The following ARIH2 variants were observed in gnomAD, a reference collection of about 807,000 sequenced individuals.
The protein encoded by ARIH2 is ariadne RBR E3 ubiquitin protein ligase 2, also known as E3 ubiquitin-protein ligase ARIH2.
Under a neutral mutation model 79.8 loss-of-function variants are expected in ARIH2, and 12 were observed. That is an observed-to-expected ratio of 0.15 (90% CI 0.10 to 0.24). ARIH2 has a LOEUF of 0.24. ARIH2 is among the 10% of genes least tolerant of loss of function. The pLI, the probability that ARIH2 is intolerant of heterozygous loss-of-function variation, is 1.00. For synonymous variants in ARIH2, 224 were observed against 213.9 expected, an observed-to-expected ratio of 1.05 and a Z score of -0.41; for missense variants, 301 against 618.3, an observed-to-expected ratio of 0.49 and a Z score of 5.44.
intron 11 of ARIH2, among the ~76,000 whole-genome samples, chr3:48,978,465 G>GTGTGTA (rs1251443781): frequency 5.6e-4 from 42 of 75,470 alleles, no homozygotes; most frequent in Non-Finnish European, 7.6e-4. Flanking sequence ...GTGTGTGTGT[G>GTGTGTA]TATATATATA....
chr3:48,979,228 AG>A (rs2092665433), intron 11 of ARIH2, among the ~76,000 whole-genome samples: 1 of 152,222 alleles, frequency 6.6e-6, no homozygotes, highest in African/African-American at 2.4e-5. Flanking sequence ...TAGATTAATA[AG>A]GCGCATGGCA....
At chr3:48,919,278 TC>T (rs2084393113) in intron 1 of ARIH2, 7 of 1,102,388 alleles carry the variant, frequency 6.3e-6, no homozygotes, top group Non-Finnish European at 8.1e-6. Flanking sequence ...AGGCCCTCTC[TC>T]CCTGTCTGGC....
chr3:48,959,919 G>A (rs964246249), intron 3 of ARIH2, among the ~76,000 whole-genome samples: 2 of 152,210 alleles, frequency 1.3e-5, no homozygotes, highest in Admixed American at 1.3e-4. Context: ...TTGAGCGCTA[G>A]AAGGAGGGAT....
intron 7 of ARIH2, among the ~76,000 whole-genome samples, chr3:48,969,946 AG>A (rs2092089112): frequency 1.3e-5 from 2 of 149,720 alleles, no homozygotes. Context: ...GCCGGAGTAC[AG>A]GGACACGATC....
chr3:48,946,137 T>C (rs1265095840), intron 3 of ARIH2, among the ~76,000 whole-genome samples: 2 of 152,130 alleles, frequency 1.3e-5, no homozygotes, highest in Non-Finnish European at 2.9e-5. Flanking sequence ...GCATTCATAT[T>C]CACTTCATTA....
chr3:48,940,794 C>CAAAAAAAAAAAAAAAA (rs761364123), intron 3 of ARIH2, among the ~76,000 whole-genome samples: 1 of 68,452 alleles, frequency 1.5e-5, no homozygotes, highest in African/African-American at 7.9e-5. Flanking sequence ...GACTCCGTCT[C>CAAAAAAAAAAAAAAAA]AAAAAAAAAA....
At position 48,963,293 on chromosome 3, in the gene ARIH2, A is replaced by G. The variant is rs545301361; in HGVS notation, c.323+1614A>G. Among the ~76,000 whole-genome samples, 19 of 152,280 alleles carry G rather than the reference A, an allele frequency of 1.2e-4. No homozygotes were observed. In the South Asian group the frequency reaches 3.5e-3, roughly 28 times the overall value. ...CTCTGGAACCACATAGGTTCTGGCA[A>G]TAGGATATCTCTCACTGCCCACACT... is the stretch of plus-strand genomic sequence containing the variant. On this transcript the variant is annotated intron_variant, in intron 4 of 15. Transcript: ENST00000356401.
chr3:48,982,774 C>T lies in ARIH2; in HGVS notation c.1327-122C>T, dbSNP rs147627585. 233 of 716,572 alleles carry T rather than the reference C, an allele frequency of 3.3e-4. 3 individuals are homozygous for T. Among genetic ancestry groups the T allele is most frequent in the Middle Eastern group, 2.3e-3 (9 of 3,986 alleles). The allele number at this position is 716,572 out of a possible 1,614,324, so 44.4% of individuals were successfully genotyped here. A position where few individuals can be genotyped will look rare whatever the true frequency, so the allele number is the denominator to read the frequency against. On this transcript the variant is annotated intron_variant, in intron 14 of 15. Transcript: ENST00000356401. ...AGGGAATAACACTACTTTCTGAGGA[C>T]AGTATCAGGATTGTCTGTAGTTCCT... is the stretch of plus-strand genomic sequence containing the variant.
intron 3 of ARIH2, among the ~76,000 whole-genome samples, chr3:48,956,338 C>T (rs932238515): frequency 1.3e-5 from 2 of 150,304 alleles, no homozygotes; most frequent in Admixed American, 6.6e-5. Flanking sequence ...GGGGTTTCAC[C>T]GTGTTGGCCA....
intron 3 of ARIH2, among the ~76,000 whole-genome samples, chr3:48,952,952 G>A (rs938558656): frequency 1.3e-5 from 2 of 150,258 alleles, no homozygotes; most frequent in Non-Finnish European, 3.0e-5. Flanking sequence ...TTTTTTAAAC[G>A]CAGTCTCGTT....
At chr3:48,970,143 C>T (rs1311899916) in intron 7 of ARIH2, among the ~76,000 whole-genome samples, 1 of 152,122 alleles carries the variant, frequency 6.6e-6, no homozygotes, top group Non-Finnish European at 1.5e-5. Flanking sequence ...CCACCTGCCT[C>T]GGCCTCCCAA....
intron 3 of ARIH2, among the ~76,000 whole-genome samples, chr3:48,930,519 T>A (rs762421817): frequency 1.9e-4 from 29 of 152,108 alleles, no homozygotes; most frequent in Non-Finnish European, 3.7e-4. Flanking sequence ...AGAGATGGGG[T>A]CTTGCTATGT....
intron 1 of ARIH2, among the ~76,000 whole-genome samples, chr3:48,919,957 CTT>C (rs1388937013): frequency 1.3e-5 from 2 of 150,834 alleles, no homozygotes; most frequent in Non-Finnish European, 2.9e-5. Context: ...GAACATGTGA[CTT>C]TGGCTCTGGA....
rs569068153 is a variant in ARIH2 at position 48,945,406 on chromosome 3, C to T, written c.256-16206C>T. On this transcript the variant is annotated intron_variant, in intron 3 of 15. Coordinates refer to ENST00000356401, the MANE Select transcript of ARIH2 (RefSeq NM_006321.4). Reference sequence around the variant, plus strand: ...GGCTATTTTAGCATGTGCCTTGATCCGTATATAAAATTAGTATGTTCTGTG... The same window carrying T: ...GGCTATTTTAGCATGTGCCTTGATCTGTATATAAAATTAGTATGTTCTGTG... 8.5e-5 allele frequency among the ~76,000 whole-genome samples: 13 copies of T among 152,250 alleles called. No individual in the cohort carries two copies. In the East Asian group the frequency reaches 2.1e-3, roughly 25 times the overall value.
chr3:48,984,786 C>G lies in ARIH2; in HGVS notation c.*1516C>G, dbSNP rs1175982528. On this transcript the variant is annotated 3_prime_UTR_variant, in exon 16 of 16. Transcript: ENST00000356401. Reference sequence around the variant, plus strand: ...TTCATACATTTCAGCTGCAAGTCAGCAATTTCCCAGGTACCATGTAAGCTA... The same window carrying G: ...TTCATACATTTCAGCTGCAAGTCAGGAATTTCCCAGGTACCATGTAAGCTA... 1 of 152,222 alleles carries G rather than the reference C, an allele frequency of 6.6e-6. No individual in the cohort carries two copies. The highest frequency in any genetic ancestry group is 1.5e-5 in the Non-Finnish European group (1 of 68,042). The allele number at this position is 152,222 out of a possible 1,614,324, so 9.4% of individuals were successfully genotyped here. A position where few individuals can be genotyped will look rare whatever the true frequency, so the allele number is the denominator to read the frequency against.
chr3:48,946,124 A>G (rs2089101893), intron 3 of ARIH2, among the ~76,000 whole-genome samples: 1 of 152,134 alleles, frequency 6.6e-6, no homozygotes, highest in Admixed American at 6.5e-5. Flanking sequence ...AACAGCGACT[A>G]AAGCATTCAT....
chr3:48,957,196 C>T (rs1266680965), intron 3 of ARIH2, among the ~76,000 whole-genome samples: 4 of 152,178 alleles, frequency 2.6e-5, no homozygotes, highest in Admixed American at 1.3e-4. Context: ...TTAGGAAATT[C>T]TTGGCTTCAG....
chr3:48,944,043 T>C (rs1022789985), intron 3 of ARIH2, among the ~76,000 whole-genome samples: 1 of 152,216 alleles, frequency 6.6e-6, no homozygotes, highest in Middle Eastern at 3.2e-3. Flanking sequence ...TCTGCCTATG[T>C]GGCATTCCCC....
At chr3:48,953,881 T>C (rs2090281057) in intron 3 of ARIH2, among the ~76,000 whole-genome samples, 1 of 147,434 alleles carries the variant, frequency 6.8e-6, no homozygotes, top group South Asian at 2.4e-4. Flanking sequence ...AAAAATGTTT[T>C]GGCTGGGCGT....
Sources: allele counts gnomAD v4.1 joint callset (sites outside exome capture counted in the v4.1 genomes callset), GRCh38; gene constraint gnomAD v4.1.1; transcripts MANE v1.5; gene names NCBI Gene and HGNC (gene_info 2026-07-23, HGNC 2026-07-21).